The following DOCK1 variants were observed in gnomAD, a reference collection of about 807,000 sequenced individuals.
DOCK1 encodes the protein dedicator of cytokinesis 1, also known as dedicator of cytokinesis protein 1.
Under a neutral mutation model 262.7 loss-of-function variants are expected in DOCK1, and 138 were observed. The observed-to-expected ratio is 0.53, with a 90% CI of 0.46 to 0.61. The LOEUF (loss-of-function observed/expected upper bound fraction) is 0.61. Among genes scored for constraint, DOCK1 ranks in the 20% least tolerant of loss-of-function variants. The pLI, the probability that DOCK1 is intolerant of heterozygous loss-of-function variation, is 0.00. For missense variants in DOCK1, 1,908 were observed against 2,370.7 expected, an observed-to-expected ratio of 0.80 and a Z score of 4.05; for synonymous variants, 866 against 867.4, an observed-to-expected ratio of 1.00 and a Z score of 0.03.
At chr10:126,994,813 C>T (rs974167913) in intron 6 of DOCK1, among the ~76,000 whole-genome samples, 13 of 152,244 alleles carry the variant, frequency 8.5e-5, no homozygotes, top group Admixed American at 6.5e-4. Context: ...CATCATGGCC[C>T]GTTCTCAATG....
rs1420073857 is a variant in DOCK1 at position 127,004,776 on chromosome 10, C to T, written c.986-3956C>T. Among the ~76,000 whole-genome samples the T allele has an allele frequency of 3.8e-5, 5 of 132,474 alleles. 1 individual carries two copies. The highest frequency in any genetic ancestry group is 1.1e-4 in the African/African-American group (4 of 36,712). The allele number at this position is 132,474 out of a possible 152,430, so 86.9% of individuals were successfully genotyped here. A position where few individuals can be genotyped will look rare whatever the true frequency, so the allele number is the denominator to read the frequency against. ...CCAACGGCCCCCTGCCCCGCCACCC[C>T]CCCGCCCCAAAAAAAAGAAAAAAGT... is the stretch of plus-strand genomic sequence containing the variant. On this transcript the variant is annotated intron_variant, in intron 10 of 51. Coordinates refer to ENST00000623213, the MANE Select transcript of DOCK1 (RefSeq NM_001290223.2).
intron 22 of DOCK1, among the ~76,000 whole-genome samples, chr10:127,057,290 A>C (rs2045225654): frequency 6.6e-6 from 1 of 152,214 alleles, no homozygotes; most frequent in Non-Finnish European, 1.5e-5. Flanking sequence ...TCCTTTTTGC[A>C]GCTGGGATAA....
chr10:127,024,108 C>T (rs2042649502), intron 14 of DOCK1, among the ~76,000 whole-genome samples: 1 of 152,194 alleles, frequency 6.6e-6, no homozygotes, highest in Non-Finnish European at 1.5e-5. Flanking sequence ...CTGTGAGGTG[C>T]CTCTTTGCAC....
chr10:127,041,826 T>TC (rs2044033913), intron 19 of DOCK1, among the ~76,000 whole-genome samples: 1 of 152,194 alleles, frequency 6.6e-6, no homozygotes, highest in Non-Finnish European at 1.5e-5. Context: ...GATCAGTACT[T>TC]CATCATGTTT....
intron 27 of DOCK1, among the ~76,000 whole-genome samples, chr10:127,170,220 G>GT (rs2054438902): frequency 6.6e-6 from 1 of 152,130 alleles, no homozygotes. Context: ...AGGATTTTCT[G>GT]TTTTTAATCA....
intron 29 of DOCK1, among the ~76,000 whole-genome samples, chr10:127,262,549 T>A (rs2060211902): frequency 6.6e-6 from 1 of 151,810 alleles, no homozygotes; most frequent in African/African-American, 2.4e-5. Flanking sequence ...ACAACATGAA[T>A]GTTTAGAAGC....
rs530045825 is a variant in DOCK1 at position 127,451,439 on chromosome 10, T to C, written c.*12T>C. 566 of 1,562,098 alleles carry C rather than the reference T, an allele frequency of 3.6e-4. 5 individuals are homozygous for C. The South Asian group carries it at 6.3e-3, about 17-fold the overall frequency. On this transcript the variant is annotated 3_prime_UTR_variant, in exon 52 of 52. Transcript: ENST00000623213. ...GGATCGTGCAGTGACGTCGCAAGCC[T>C]CTCTGGAAAGAGTGTGCTGCCCCTC...
intron 13 of DOCK1, among the ~76,000 whole-genome samples, chr10:127,019,130 A>G (rs1004129313): frequency 1.3e-5 from 2 of 152,144 alleles, no homozygotes; most frequent in Non-Finnish European, 2.9e-5. Flanking sequence ...TCAAAAGAAG[A>G]AAGAGGTCAG....
intron 27 of DOCK1, among the ~76,000 whole-genome samples, chr10:127,227,755 C>T (rs943216556): frequency 2.9e-4 from 44 of 152,356 alleles, no homozygotes; most frequent in Non-Finnish European, 8.8e-5. Flanking sequence ...GAACTTGGCA[C>T]GTCTTTCCAT....
intron 13 of DOCK1, 130 bp from the exon 14 acceptor site, chr10:127,023,070 G>T (rs2042558355): frequency 4.4e-6 from 5 of 1,140,440 alleles, no homozygotes; most frequent in Non-Finnish European, 6.0e-6. Flanking sequence ...CTGTTTTGTA[G>T]AAAATATTTC....
intron 1 of DOCK1, among the ~76,000 whole-genome samples, chr10:126,950,138 T>C (rs1294200566): frequency 6.6e-6 from 1 of 152,068 alleles, no homozygotes; most frequent in African/African-American, 2.4e-5. Context: ...TTAGATAAAT[T>C]AGGTAGTCCA....
At chr10:127,280,058 G>A (rs181832179) in intron 29 of DOCK1, among the ~76,000 whole-genome samples, 2,810 of 117,324 alleles carry the variant, frequency 0.024, 91 homozygotes, top group African/African-American at 0.092. Flanking sequence ...TTTTTGAGAC[G>A]GAGTCTCGCT....
At chr10:127,221,786 T>C (rs1564913937) in intron 27 of DOCK1, among the ~76,000 whole-genome samples, 1 of 152,218 alleles carries the variant, frequency 6.6e-6, no homozygotes, top group Non-Finnish European at 1.5e-5. Context: ...AGCTCTTGTA[T>C]GAAGCTGGCA....
At chr10:127,260,171 C>T (rs891470818) in intron 29 of DOCK1, among the ~76,000 whole-genome samples, 2 of 152,216 alleles carry the variant, frequency 1.3e-5, no homozygotes, top group African/African-American at 4.8e-5. Flanking sequence ...CAGAGGTACC[C>T]GCGCTGCAGC....
At chr10:126,988,902 G>A (rs139198546) in intron 5 of DOCK1, among the ~76,000 whole-genome samples, 1,848 of 152,028 alleles carry the variant, frequency 0.012, 52 homozygotes, top group African/African-American at 0.042. Context: ...GTGAAACCCC[G>A]TCCCTACTAA....
At position 127,145,974 on chromosome 10, in the gene DOCK1, C is replaced by A. The variant is rs550684754; in HGVS notation, c.2847+18210C>A. On this transcript the variant is annotated intron_variant, in intron 27 of 51. Coordinates refer to ENST00000623213, the MANE Select transcript of DOCK1 (RefSeq NM_001290223.2). ...AAGACGCCTATCTGTGAGGAAGAAC[C>A]TGCCCTGGGGACCCCGCACCCTGAA... 1.8e-4 allele frequency: 95 copies of A among 514,504 alleles called. 1 individual carries two copies. Among genetic ancestry groups the A allele is most frequent in the Non-Finnish European group, 3.3e-4 (84 of 258,012 alleles). 31.9% of individuals were successfully genotyped at this position (514,504 alleles called of 1,614,324 possible).
rs965744135 is a variant in DOCK1 at position 126,953,910 on chromosome 10, G to A, written c.47-16792G>A. On this transcript the variant is annotated intron_variant, in intron 1 of 51. Transcript: ENST00000623213. ...TAAAAATGAAACAAACAGAAAATGT[G>A]GAGAGATGTTCAGTAGTTTGCTCGG... Among the ~76,000 whole-genome samples the A allele has an allele frequency of 1.2e-4, 18 of 152,260 alleles. No individual in the cohort carries two copies. The East Asian group carries it at 3.1e-3, about 26-fold the overall frequency.
chr10:127,085,751 C>T (rs947630526), intron 23 of DOCK1, among the ~76,000 whole-genome samples: 1 of 151,326 alleles, frequency 6.6e-6, no homozygotes, highest in African/African-American at 2.4e-5. Context: ...AGTGAGACCC[C>T]ATCTAAAAAA....
chr10:127,140,530 G>A (rs1365347281), intron 27 of DOCK1, among the ~76,000 whole-genome samples: 2 of 152,184 alleles, frequency 1.3e-5, no homozygotes, highest in Non-Finnish European at 2.9e-5. Flanking sequence ...GCCAGGCAAC[G>A]TGTGCAGAGG....
Sources: allele counts gnomAD v4.1 joint callset (sites outside exome capture counted in the v4.1 genomes callset), GRCh38; gene constraint gnomAD v4.1.1; transcripts MANE v1.5; gene names NCBI Gene and HGNC (gene_info 2026-07-23, HGNC 2026-07-21).